The following MARCHF1 variants were observed in gnomAD, a reference collection of about 807,000 sequenced individuals.
MARCHF1 encodes E3 ubiquitin-protein ligase MARCHF1.
In MARCHF1, 40 loss-of-function variants were observed where a neutral mutation model predicts 54.2. The observed-to-expected ratio is 0.74, with a 90% CI of 0.57 to 0.96. The LOEUF is 0.96. Among genes scored for constraint, MARCHF1 ranks in the 40% least tolerant of loss-of-function variants. The pLI, the probability that MARCHF1 is intolerant of heterozygous loss-of-function variation, is 0.00. For synonymous variants in MARCHF1, 236 were observed against 236.3 expected (o/e 1.00, Z 0.01); for missense variants, 586 against 656.5 (o/e 0.89, Z 1.17).
intron 1 of MARCHF1, among the ~76,000 whole-genome samples, chr4:164,162,861 A>T (rs1730276792): frequency 6.6e-6 from 1 of 152,176 alleles, no homozygotes; most frequent in Non-Finnish European, 1.5e-5. Flanking sequence ...TATGAAAACA[A>T]ATATGATTAA....
chr4:163,844,139 C>T (rs1749419904), intron 4 of MARCHF1, among the ~76,000 whole-genome samples: 1 of 152,052 alleles, frequency 6.6e-6, no homozygotes, highest in Non-Finnish European at 1.5e-5. Flanking sequence ...ACCTTCCACT[C>T]TCTGAAAGGT....
At chr4:163,833,352 C>A (rs373932786) in intron 4 of MARCHF1, among the ~76,000 whole-genome samples, 2,013 of 152,092 alleles carry the variant, frequency 0.013, 35 homozygotes, top group African/African-American at 0.043. Flanking sequence ...GCAACAAAAG[C>A]CAAAATTGAC....
At chr4:163,642,944 C>T (rs1008695443) in intron 5 of MARCHF1, among the ~76,000 whole-genome samples, 1 of 151,714 alleles carries the variant, frequency 6.6e-6, no homozygotes, top group African/African-American at 2.4e-5. Context: ...GTATTATCTC[C>T]ATACATACAT....
chr4:164,313,182 CA>C (rs140895798), intron 1 of MARCHF1, among the ~76,000 whole-genome samples: 2,764 of 119,282 alleles, frequency 0.023, 81 homozygotes, highest in African/African-American at 0.077. Flanking sequence ...ACTAAAAATA[CA>C]AAAAAAAAAA....
chr4:163,937,323 G>A (rs2110738238), intron 3 of MARCHF1, among the ~76,000 whole-genome samples: 1 of 151,758 alleles, frequency 6.6e-6, no homozygotes, highest in East Asian at 1.9e-4. Context: ...ATGCAGAGTA[G>A]AGTTTTTATT....
At chr4:163,906,484 AT>A (rs918397527) in intron 3 of MARCHF1, among the ~76,000 whole-genome samples, 4 of 151,890 alleles carry the variant, frequency 2.6e-5, no homozygotes, top group Non-Finnish European at 4.4e-5. Context: ...CAAATACAAA[AT>A]TTTTTATTTA....
chr4:163,841,623 A>G (rs1160968311), intron 4 of MARCHF1, among the ~76,000 whole-genome samples: 2 of 152,128 alleles, frequency 1.3e-5, no homozygotes, highest in Non-Finnish European at 2.9e-5. Flanking sequence ...CAGCAATTTT[A>G]TGCCCATTGG....
intron 5 of MARCHF1, among the ~76,000 whole-genome samples, chr4:163,662,520 G>A (rs1743377723): frequency 6.6e-6 from 1 of 151,240 alleles, no homozygotes; most frequent in Non-Finnish European, 1.5e-5. Flanking sequence ...TTCCTTTCTA[G>A]TCCCAGAATC....
At chr4:163,825,077 T>C (rs1361642896) in intron 4 of MARCHF1, among the ~76,000 whole-genome samples, 1 of 152,060 alleles carries the variant, frequency 6.6e-6, no homozygotes, top group Non-Finnish European at 1.5e-5. Context: ...TCTATCAAAA[T>C]ACCAGTTTTT....
intron 1 of MARCHF1, among the ~76,000 whole-genome samples, chr4:164,239,791 C>CA (rs1335025825): frequency 6.6e-6 from 1 of 151,920 alleles, no homozygotes; most frequent in African/African-American, 2.4e-5. Context: ...ATGTATATGT[C>CA]ATATTCTTCT....
Position 163,556,018 on chromosome 4 carries a change from A to G in MARCHF1, c.1192-10275T>C, listed in dbSNP as rs1299228359. 2.4e-5 allele frequency: 11 copies of G among 455,466 alleles called. No individual in the cohort carries two copies. The East Asian group carries it at 4.9e-4, about 20-fold the overall frequency. The allele number at this position is 455,466 out of a possible 1,614,324, so 28.2% of individuals were successfully genotyped here. On this transcript the variant is annotated intron_variant, in intron 8 of 9. Transcript: ENST00000514618. ...AAAGCTTTTAAAAATACCCAATTTTACCCCATCATTTTCTAGTTGAAGAAA... is the reference window on the plus strand; with the variant it reads ...AAAGCTTTTAAAAATACCCAATTTTGCCCCATCATTTTCTAGTTGAAGAAA...
In MARCHF1 at chr4:163,654,663, A is replaced by C. The variant is rs1216455087; in HGVS notation, c.163-41270T>G. On this transcript the variant is annotated intron_variant, in intron 5 of 9. Coordinates refer to ENST00000514618, the MANE Select transcript of MARCHF1 (RefSeq NM_001394959.1). ...CAATTTTGTCTGATATTAGTATATC[A>C]ACTCCAACTTTCTTTTGCCATTTAT... Among the ~76,000 whole-genome samples the C allele has an allele frequency of 1.2e-3, 182 of 151,652 alleles. 1 individual carries two copies. The highest frequency in any genetic ancestry group is 0.012 in the Admixed American group (181 of 15,176).
chr4:163,549,154 ACG>A (rs1406817828), intron 8 of MARCHF1, among the ~76,000 whole-genome samples: 1 of 152,188 alleles, frequency 6.6e-6, no homozygotes, highest in East Asian at 1.9e-4. Context: ...GGCACACTAC[ACG>A]CGCCCACCAC....
chr4:164,027,691 C>T (rs1753800225), intron 2 of MARCHF1, among the ~76,000 whole-genome samples: 1 of 151,798 alleles, frequency 6.6e-6, no homozygotes, highest in South Asian at 2.1e-4. Flanking sequence ...TCAGCCTTGG[C>T]AAATAATGTT....
chr4:163,825,368 T>A (rs1285299276), intron 4 of MARCHF1, among the ~76,000 whole-genome samples: 1 of 152,094 alleles, frequency 6.6e-6, no homozygotes, highest in Non-Finnish European at 1.5e-5. Context: ...GTTGGTTCCA[T>A]AGCTTTGCTG....
At chr4:163,641,840 G>C (rs184446928) in intron 5 of MARCHF1, among the ~76,000 whole-genome samples, 1 of 152,142 alleles carries the variant, frequency 6.6e-6, no homozygotes, top group Non-Finnish European at 1.5e-5. Context: ...GCTTATCTGC[G>C]TTGGAGTTAA....
intron 1 of MARCHF1, among the ~76,000 whole-genome samples, chr4:164,306,065 T>C (rs1734688729): frequency 6.6e-6 from 1 of 152,136 alleles, no homozygotes; most frequent in African/African-American, 2.4e-5. Context: ...CAAATAGCTA[T>C]ATTAAAGTGA....
intron 1 of MARCHF1, among the ~76,000 whole-genome samples, chr4:164,225,065 T>G (rs116370167): frequency 0.016 from 2,386 of 152,142 alleles, 74 homozygotes; most frequent in African/African-American, 0.055. Flanking sequence ...TGCTTCTGCT[T>G]CCCAACTCCA....
intron 1 of MARCHF1, among the ~76,000 whole-genome samples, chr4:164,361,078 G>C (rs1461832343): frequency 1.3e-5 from 2 of 151,632 alleles, no homozygotes; most frequent in Admixed American, 6.6e-5. Flanking sequence ...TCATAACACT[G>C]GTCTTGATGA....
Sources: allele counts gnomAD v4.1 joint callset (sites outside exome capture counted in the v4.1 genomes callset), GRCh38; gene constraint gnomAD v4.1.1; transcripts MANE v1.5; gene names NCBI Gene and HGNC (gene_info 2026-07-23, HGNC 2026-07-21).